The following CREB3L2 variants were observed in gnomAD, a reference collection of about 807,000 sequenced individuals.
CREB3L2 encodes cyclic AMP-responsive element-binding protein 3-like protein 2.
In CREB3L2, 23 loss-of-function variants were observed where a neutral mutation model predicts 57.2. The ratio of observed to expected loss-of-function variants is 0.40; its 90% CI spans 0.29 to 0.57. The LOEUF is 0.57. CREB3L2 is among the 20% of genes least tolerant of loss of function. The probability of loss-of-function intolerance (pLI) is 0.42; values close to 1 mark genes in which losing one functional copy is unlikely to be tolerated. For synonymous variants in CREB3L2, 268 were observed against 265.1 expected (o/e 1.01, Z -0.11); for missense variants, 628 against 634.7 (o/e 0.99, Z 0.11).
At chr7:137,946,469 T>G (rs1800978168) in intron 1 of CREB3L2, among the ~76,000 whole-genome samples, 1 of 149,962 alleles carries the variant, frequency 6.7e-6, no homozygotes, top group African/African-American at 2.5e-5. Flanking sequence ...TACAACCATA[T>G]GCTCCTGAAA....
chr7:137,961,669 C>T (rs1238475122), intron 1 of CREB3L2, among the ~76,000 whole-genome samples: 1 of 152,190 alleles, frequency 6.6e-6, no homozygotes, highest in African/African-American at 2.4e-5. Context: ...CTATCTTTCT[C>T]TCAGGTACCT....
chr7:137,897,953 A>C (rs1799662117), intron 8 of CREB3L2, among the ~76,000 whole-genome samples: 1 of 152,178 alleles, frequency 6.6e-6, no homozygotes, highest in African/African-American at 2.4e-5. Flanking sequence ...ACAACAACAA[A>C]AATTAACAAA....
chr7:137,919,628 A>C (rs1800226243), intron 2 of CREB3L2, among the ~76,000 whole-genome samples: 3 of 152,248 alleles, frequency 2.0e-5, no homozygotes, highest in Non-Finnish European at 4.4e-5. Flanking sequence ...TCACTAGGGC[A>C]TTGTTTATGA....
At position 137,998,865 on chromosome 7, in the gene CREB3L2, G is replaced by A. The variant is rs867398935; in HGVS notation, c.102+2739C>T. Among the ~76,000 whole-genome samples, 4 of 152,202 alleles carry A rather than the reference G, an allele frequency of 2.6e-5. No homozygotes were observed. The South Asian group carries it at 8.3e-4, about 31-fold the overall frequency. On this transcript the variant is annotated intron_variant, in intron 1 of 11. Transcript: ENST00000330387. ...AACCAAGTGTGGACCCCGTGGCACTGCATGGGTGGCAGGCCATGTGGTCAG... is the reference window on the plus strand; with the variant it reads ...AACCAAGTGTGGACCCCGTGGCACTACATGGGTGGCAGGCCATGTGGTCAG...
intron 10 of CREB3L2, 90 bp from the exon 11 acceptor site, chr7:137,882,718 G>T: frequency 1.1e-6 from 1 of 880,980 alleles, no homozygotes; most frequent in Non-Finnish European, 1.7e-6. Context: ...GCTGGTGGCA[G>T]ATGACAATGT....
chr7:137,887,105 C>A (rs140317316), intron 8 of CREB3L2, among the ~76,000 whole-genome samples: 1 of 152,150 alleles, frequency 6.6e-6, no homozygotes, highest in Non-Finnish European at 1.5e-5. Flanking sequence ...TGTTAGACAG[C>A]CACATAAGTT....
intron 2 of CREB3L2, among the ~76,000 whole-genome samples, chr7:137,926,995 A>G (rs1389825754): frequency 6.6e-6 from 1 of 152,082 alleles, no homozygotes; most frequent in Non-Finnish European, 1.5e-5. Flanking sequence ...ACAAAAAAAT[A>G]AAAATAAAAA....
At chr7:137,924,303 T>C (rs1314950585) in intron 2 of CREB3L2, among the ~76,000 whole-genome samples, 2 of 152,240 alleles carry the variant, frequency 1.3e-5, no homozygotes, top group Non-Finnish European at 2.9e-5. Flanking sequence ...TGATAGTCTA[T>C]ATAATCTTTA....
At chr7:137,895,628 T>C (rs1585600029) in intron 8 of CREB3L2, among the ~76,000 whole-genome samples, 1 of 76,956 alleles carries the variant, frequency 1.3e-5, no homozygotes, top group Middle Eastern at 8.8e-3. Context: ...AGGTGGCTGC[T>C]GCTGAGTCCA....
intron 1 of CREB3L2, among the ~76,000 whole-genome samples, chr7:137,928,882 G>C (rs1422558847): frequency 6.6e-6 from 1 of 152,184 alleles, no homozygotes; most frequent in Non-Finnish European, 1.5e-5. Context: ...TTGATGAGAG[G>C]AATGGCAGAG....
intron 1 of CREB3L2, among the ~76,000 whole-genome samples, chr7:137,930,050 C>A (rs75376348): frequency 0.11 from 17,407 of 151,446 alleles, 1,273 homozygotes; most frequent in Admixed American, 0.23. Flanking sequence ...CCCGCCACCA[C>A]GTCTGGCTAA....
chr7:137,950,533 C>T (rs1288397660), intron 1 of CREB3L2, among the ~76,000 whole-genome samples: 1 of 152,188 alleles, frequency 6.6e-6, no homozygotes, highest in Non-Finnish European at 1.5e-5. Context: ...TTCTGAGCTA[C>T]TCCGTAGTAG....
At chr7:137,921,579 C>T (rs1046284100) in intron 2 of CREB3L2, among the ~76,000 whole-genome samples, 6 of 151,896 alleles carry the variant, frequency 4.0e-5, no homozygotes, top group African/African-American at 1.5e-4. Context: ...ATAGGTGCCA[C>T]GTAGCTAAGC....
intron 1 of CREB3L2, among the ~76,000 whole-genome samples, chr7:137,954,075 C>T (rs1801159305): frequency 1.3e-5 from 2 of 152,216 alleles, no homozygotes; most frequent in Admixed American, 1.3e-4. Context: ...GCATGGGTTT[C>T]TGTCTGGTAT....
intron 1 of CREB3L2, among the ~76,000 whole-genome samples, chr7:137,932,551 G>A (rs1800672728): frequency 6.6e-6 from 1 of 151,930 alleles, no homozygotes; most frequent in African/African-American, 2.4e-5. Context: ...TGGGCAACAT[G>A]GCAAGACCCC....
intron 1 of CREB3L2, among the ~76,000 whole-genome samples, chr7:137,936,490 G>C (rs2117252362): frequency 6.6e-6 from 1 of 152,254 alleles, no homozygotes; most frequent in East Asian, 1.9e-4. Flanking sequence ...ATGTGTACTG[G>C]GGATGAGGGT....
intron 8 of CREB3L2, among the ~76,000 whole-genome samples, chr7:137,891,296 G>C (rs1184642524): frequency 1.3e-5 from 2 of 152,180 alleles, no homozygotes; most frequent in Non-Finnish European, 2.9e-5. Context: ...ACATTCAAAA[G>C]AATCCAAGAG....
At chr7:137,988,695 C>T (rs1585679567) in intron 1 of CREB3L2, among the ~76,000 whole-genome samples, 1 of 152,326 alleles carries the variant, frequency 6.6e-6, no homozygotes, top group East Asian at 1.9e-4. Context: ...AAACTAAGAA[C>T]TGCAAATGAC....
chr7:137,940,557 C>T (rs1255162288), intron 1 of CREB3L2, among the ~76,000 whole-genome samples: 1 of 152,204 alleles, frequency 6.6e-6, no homozygotes, highest in Non-Finnish European at 1.5e-5. Flanking sequence ...TACAGACTCT[C>T]TAACAAGAGA....
Sources: gnomAD v4.1 joint callset for allele counts (sites outside exome capture counted in the v4.1 genomes callset) on GRCh38, gnomAD v4.1.1 for gene constraint, MANE v1.5 for transcripts, NCBI Gene and HGNC (gene_info 2026-07-23, HGNC 2026-07-21) for gene names.